Variants in MTHFD1 observed in about 807,000 individuals in gnomAD.
MTHFD1 encodes the protein methylenetetrahydrofolate dehydrogenase, cyclohydrolase and formyltetrahydrofolate synthetase 1.
Under a neutral mutation model 110.3 loss-of-function variants are expected in MTHFD1, and 44 were observed. The ratio of observed to expected loss-of-function variants is 0.40; its 90% CI spans 0.31 to 0.51. The LOEUF (loss-of-function observed/expected upper bound fraction) is 0.51, where lower values mean the gene tolerates loss of function less well. Among genes scored for constraint, MTHFD1 ranks in the 20% least tolerant of loss-of-function variants. The pLI is 0.60. For synonymous variants in MTHFD1, 402 were observed against 428.8 expected (o/e 0.94, Z 0.77); for missense variants, 909 against 1,173.1 (o/e 0.77, Z 3.29).
At chr14:64,444,460 C>T (rs2078274551) in intron 21 of MTHFD1, among the ~76,000 whole-genome samples, 1 of 152,126 alleles carries the variant, frequency 6.6e-6, no homozygotes, top group East Asian at 1.9e-4. Flanking sequence ...TCCGGTCCTT[C>T]TCACCTCCTT....
chr14:64,403,836 T>A (rs1294602197), intron 2 of MTHFD1, among the ~76,000 whole-genome samples: 1 of 152,204 alleles, frequency 6.6e-6, no homozygotes, highest in Non-Finnish European at 1.5e-5. Context: ...CATGAGCCAC[T>A]GTGCTCGGCC....
chr14:64,429,101 G>A (rs1284501254), intron 12 of MTHFD1, among the ~76,000 whole-genome samples: 1 of 151,126 alleles, frequency 6.6e-6, no homozygotes, highest in Non-Finnish European at 1.5e-5. Context: ...GGGTGAGGTG[G>A]TAGATTACTT....
At chr14:64,418,056 A>T in intron 7 of MTHFD1, 32 bp downstream of exon 7, 2 of 1,613,902 alleles carry the variant, frequency 1.2e-6, no homozygotes, top group Non-Finnish European at 1.7e-6. Context: ...TAAAGGTGTT[A>T]CGGTGGGGAG....
intron 1 of MTHFD1, among the ~76,000 whole-genome samples, chr14:64,396,670 A>C (rs1275723895): frequency 6.6e-6 from 1 of 150,422 alleles, no homozygotes; most frequent in African/African-American, 2.4e-5. Flanking sequence ...AAGTGCTGGG[A>C]TTATAGGCGT....
intron 21 of MTHFD1, 111 bp downstream of exon 21, chr14:64,442,513 C>G: frequency 8.3e-7 from 1 of 1,197,654 alleles, no homozygotes; most frequent in African/African-American, 1.5e-5. Context: ...TCGTGATTAA[C>G]AGGCAGCAAA....
At chr14:64,388,524 G>A in intron 1 of MTHFD1, 56 bp downstream of exon 1, 1 of 1,545,248 alleles carries the variant, frequency 6.5e-7, no homozygotes, top group East Asian at 2.2e-5. Flanking sequence ...CTCTGAGGGT[G>A]TGCAGGTCCC....
chr14:64,429,740 A>C lies in MTHFD1; in HGVS notation c.1265-444A>C, dbSNP rs117553698. ...ACTCAACCTGTAATCCAAGTAGCCC[A>C]AAAAAATCTAGCAATTAGGCTGCTT... On this transcript the variant is annotated intron_variant, in intron 12 of 27. Coordinates refer to ENST00000652337, the MANE Select transcript of MTHFD1 (RefSeq NM_005956.4). Among the ~76,000 whole-genome samples, 952 of 151,802 alleles carry C rather than the reference A, an allele frequency of 6.3e-3. 22 individuals carry two copies. The highest frequency in any genetic ancestry group is 0.038 in the Admixed American group (577 of 15,282).
chr14:64,421,418 T>G (rs906774438), intron 8 of MTHFD1, among the ~76,000 whole-genome samples: 1 of 152,122 alleles, frequency 6.6e-6, no homozygotes, highest in Non-Finnish European at 1.5e-5. Flanking sequence ...CCAGGAACAT[T>G]AGTCACTGTC....
chr14:64,412,888 T>C (rs529016157), intron 4 of MTHFD1, among the ~76,000 whole-genome samples: 2 of 151,532 alleles, frequency 1.3e-5, no homozygotes, highest in African/African-American at 4.8e-5. Flanking sequence ...TTTACCCGCC[T>C]TGGCCTCCCA....
In MTHFD1 at chr14:64,418,035, C is replaced by T. The variant is rs1318442823; in HGVS notation, c.615+11C>T. 6.2e-7 allele frequency: 1 copy of T among 1,614,072 alleles called. No homozygotes were observed. The highest frequency in any genetic ancestry group is 2.2e-5 in the East Asian group (1 of 44,880). Reference sequence around the variant, plus strand: ...CATCTGGATGAGGAGGTAGGGTGTCCAGAGGAGAGGTAAAGGTGTTACGGT... The same window carrying T: ...CATCTGGATGAGGAGGTAGGGTGTCTAGAGGAGAGGTAAAGGTGTTACGGT... On this transcript the variant is annotated intron_variant, in intron 7 of 27. Transcript: ENST00000652337.
At chr14:64,397,154 T>A (rs1286231181) in intron 1 of MTHFD1, among the ~76,000 whole-genome samples, 17 of 3,608 alleles carry the variant, frequency 4.7e-3, no homozygotes, top group Non-Finnish European at 6.5e-3. Context: ...TATATATATA[T>A]ATATATATAT....
At chr14:64,412,358 T>C (rs2077991160) in intron 3 of MTHFD1, 114 bp from the exon 4 acceptor site, 2 of 798,072 alleles carry the variant, frequency 2.5e-6, no homozygotes, top group South Asian at 1.4e-5. Flanking sequence ...TCAGAACATA[T>C]AAGGGTGAAA....
chr14:64,442,323 G>A lies in MTHFD1; in HGVS notation c.2057G>A (p.Arg686Gln), dbSNP rs561724045. 7.2e-5 allele frequency: 116 copies of A among 1,614,210 alleles called. No individual in the cohort carries two copies. The highest frequency in any genetic ancestry group is 1.2e-4 in the South Asian group (11 of 91,082). ...GMEKFFNIKC[R>Q]YSGLCPHVVV... The stretch of plus-strand genomic sequence containing the variant: ...GAAAAGTTTTTTAACATCAAATGCC[G>A]GTATTCCGGCCTCTGCCCCCACGTG... Residue 686 changes from arginine to glutamine, a missense_variant, in exon 21 of 28, where the codon CGG becomes CAG. Arg to Gln is a conservative substitution (Grantham distance 43). Around this residue, in one of 3 missense-constraint regions of MTHFD1, gnomAD observed 482 missense variants for 646.0 expected, o/e 0.75. Transcript: ENST00000652337.
At chr14:64,403,273 C>G (rs2077912970) in intron 2 of MTHFD1, among the ~76,000 whole-genome samples, 2 of 84,800 alleles carry the variant, frequency 2.4e-5, no homozygotes, top group African/African-American at 4.8e-5. Context: ...GCCATTGCAC[C>G]CTGCTAATTT....
chr14:64,392,124 T>C (rs2077811202), intron 1 of MTHFD1, among the ~76,000 whole-genome samples: 1 of 152,272 alleles, frequency 6.6e-6, no homozygotes, highest in African/African-American at 2.4e-5. Flanking sequence ...CTGCCAATGT[T>C]GTGAGGGAAA....
chr14:64,444,391 C>G (rs573246377), intron 21 of MTHFD1, among the ~76,000 whole-genome samples: 1 of 152,110 alleles, frequency 6.6e-6, no homozygotes, highest in African/African-American at 2.4e-5. Flanking sequence ...ACTGCTATGG[C>G]CTTCACTCGA....
intron 17 of MTHFD1, 55 bp from the exon 18 acceptor site, chr14:64,440,071 C>T: frequency 6.4e-7 from 1 of 1,568,952 alleles, no homozygotes; most frequent in South Asian, 1.1e-5. Context: ...TTTTGCAATT[C>T]ACACTTCTGG....
intron 23 of MTHFD1, among the ~76,000 whole-genome samples, chr14:64,448,800 ATCT>A (rs1157956299): frequency 1.6e-5 from 2 of 122,600 alleles, no homozygotes; most frequent in African/African-American, 7.8e-5. Context: ...GAAGCAAAAA[ATCT>A]TTTTTTTTTT....
In MTHFD1 at chr14:64,419,853, C is replaced by G. The variant is rs1473413548; in HGVS notation, c.655C>G (p.Pro219Ala). The G allele has an allele frequency of 6.2e-7, 1 of 1,613,962 alleles. No homozygotes were observed. The highest frequency in any genetic ancestry group is 8.5e-7 in the Non-Finnish European group (1 of 1,179,958). Residue 219 changes from proline to alanine, a missense_variant, in exon 8 of 28, where the codon CCT (proline) becomes GCT (alanine). Pro to Ala is a conservative substitution (Grantham distance 27). This residue lies in a region of MTHFD1 where 424 missense variants were observed against 510.4 expected (regional missense o/e 0.83). Coordinates refer to ENST00000652337, the MANE Select transcript of MTHFD1 (RefSeq NM_005956.4). ...GDILVVATGQ[P>A]EMVKGEWIKP... ...CATCCTGGTGGTTGCAACTGGTCAG[C>G]CTGAAATGGTTAAAGGGGAGTGGAT...
Sources: allele counts gnomAD v4.1 joint callset (sites outside exome capture counted in the v4.1 genomes callset), GRCh38; gene constraint gnomAD v4.1.1; regional missense constraint gnomAD v4.1.1; transcripts MANE v1.5; gene names NCBI Gene and HGNC (gene_info 2026-07-23, HGNC 2026-07-21).